Variants in FBLN1 observed in about 807,000 individuals in gnomAD.
The protein encoded by FBLN1 is fibulin 1.
A neutral mutation model predicts 89.7 loss-of-function variants in FBLN1; 34 were observed. The ratio of observed to expected loss-of-function variants is 0.38; its 90% CI spans 0.29 to 0.50. The LOEUF (loss-of-function observed/expected upper bound fraction) is 0.50. Among genes scored for constraint, FBLN1 ranks in the 20% least tolerant of loss-of-function variants. The pLI is 0.92. For synonymous variants in FBLN1, 393 were observed against 391.3 expected, an observed-to-expected ratio of 1.00 and a Z score of -0.05; for missense variants, 777 against 988.1, an observed-to-expected ratio of 0.79 and a Z score of 2.86.
intron 16 of FBLN1, among the ~76,000 whole-genome samples, chr22:45,598,022 A>G (rs542061209): frequency 6.6e-6 from 1 of 152,258 alleles, no homozygotes; most frequent in Non-Finnish European, 1.5e-5. Context: ...TGTCCTGGGC[A>G]CCAAGAGGTG....
intron 14 of FBLN1, among the ~76,000 whole-genome samples, chr22:45,570,789 AC>A (rs1483654963): frequency 1.3e-5 from 2 of 152,140 alleles, no homozygotes; most frequent in Non-Finnish European, 2.9e-5. Context: ...AGAACAACCA[AC>A]ACCAAGACAC....
chr22:45,574,388 G>T lies in FBLN1; in HGVS notation c.1698-123G>T. On this transcript the variant is annotated intron_variant, in intron 14 of 16. Transcript: ENST00000327858. The surrounding 1 kb of genome is among the most constrained non-coding windows in gnomAD (Gnocchi z 4.1). ...GCAGAGACCACTGTCGTTCTCTGAT[G>T]GAGCTGTCTCTGGGACAGATGCCCC... 3 of 1,028,260 alleles carry T rather than the reference G, an allele frequency of 2.9e-6. No homozygotes were observed. Among genetic ancestry groups the T allele is most frequent in the Non-Finnish European group, 4.4e-6 (3 of 677,010 alleles). 63.7% of individuals were successfully genotyped at this position (1,028,260 alleles called of 1,614,324 possible).
chr22:45,578,168 T>C lies in FBLN1; in HGVS notation c.1972+1060T>C, dbSNP rs951932454. On this transcript the variant is annotated intron_variant, in intron 16 of 16. Transcript: ENST00000327858. The surrounding 1 kb of genome is among the most constrained non-coding windows in gnomAD (Gnocchi z 4.6). ...TGCAGTGCGCACAGAGCAGAGCGTT[T>C]TGGAGCCTGGCCTCCAGGTGGCGCT... 2 of 152,178 alleles carry C rather than the reference T, an allele frequency of 1.3e-5. No homozygotes were observed. Among genetic ancestry groups the C allele is most frequent in the African/African-American group, 4.8e-5 (2 of 41,448 alleles). The allele number at this position is 152,178 out of a possible 1,614,324, so 9.4% of individuals were successfully genotyped here.
At chr22:45,596,085 G>A (rs1415917258) in intron 16 of FBLN1, among the ~76,000 whole-genome samples, 1 of 152,204 alleles carries the variant, frequency 6.6e-6, no homozygotes, top group Admixed American at 6.5e-5. Flanking sequence ...TAGCCAGGAT[G>A]GTCTTGATCT....
chr22:45,533,964 G>A, intron 7 of FBLN1, 66 bp downstream of exon 7: 1 of 1,603,384 alleles, frequency 6.2e-7, no homozygotes, highest in Non-Finnish European at 8.5e-7. Context: ...GGTGGGAAGG[G>A]CAGCTCTGGG....
At chr22:45,594,696 A>AGATG (rs201180295) in intron 16 of FBLN1, among the ~76,000 whole-genome samples, 5,562 of 143,022 alleles carry the variant, frequency 0.039, 252 homozygotes, top group African/African-American at 0.11. Context: ...ATTGGTGGAT[A>AGATG]GATGGATGGA....
In FBLN1 at chr22:45,577,014, T is replaced by C; in HGVS notation, c.1878T>C (p.Pro626=). The C allele has an allele frequency of 3.1e-6, 5 of 1,614,134 alleles. No homozygotes were observed. The highest frequency in any genetic ancestry group is 2.2e-5 in the South Asian group (2 of 91,078). The change falls in exon 16 of 17, where the codon CCT becomes CCC. Residue 626 remains proline, a synonymous_variant. Coordinates refer to ENST00000327858, the MANE Select transcript of FBLN1 (RefSeq NM_006486.3). This position sits in a 1 kb window ranked among gnomAD's most constrained non-coding sequence, Gnocchi z 6.6. ...TCCGGGCCATCACGCCACCGCATCC[T>C]GCCAGCCAGGCTAACATCATCTTCG... is the stretch of plus-strand genomic sequence containing the variant. ...IFLRAITPPH[P]ASQANIIFDI...
chr22:45,510,044 C>T (rs569345785), intron 1 of FBLN1, among the ~76,000 whole-genome samples: 2 of 152,292 alleles, frequency 1.3e-5, no homozygotes, highest in South Asian at 4.2e-4. Flanking sequence ...AGGCTGGCTT[C>T]TGATCACATG....
chr22:45,584,705 G>GT (rs112444495), intron 16 of FBLN1, among the ~76,000 whole-genome samples: 7,045 of 152,308 alleles, frequency 0.046, 507 homozygotes, highest in African/African-American at 0.16. Context: ...GTTTGGAAAT[G>GT]GAGGGCTGGT....
intron 1 of FBLN1, among the ~76,000 whole-genome samples, chr22:45,514,605 G>A (rs1191226532): frequency 6.6e-6 from 1 of 152,224 alleles, no homozygotes; most frequent in African/African-American, 2.4e-5. Flanking sequence ...GGACGATGGA[G>A]GAGGAGGAGG....
In FBLN1 at chr22:45,579,970, C is replaced by T. The variant is rs1411033415; in HGVS notation, c.1972+2862C>T. Among the ~76,000 whole-genome samples, 2 of 152,032 alleles carry T rather than the reference C, an allele frequency of 1.3e-5. No individual in the cohort carries two copies. Among genetic ancestry groups the T allele is most frequent in the East Asian group, 3.9e-4 (2 of 5,136 alleles). ...GCCCAGCCTGAAGCAGCCCTGAAAA[C>T]GTGGGGTTGAACCCTTGCCGGCTCC... is the stretch of plus-strand genomic sequence containing the variant. On this transcript the variant is annotated intron_variant, in intron 16 of 16. Coordinates refer to ENST00000327858, the MANE Select transcript of FBLN1 (RefSeq NM_006486.3). This position sits in a 1 kb window ranked among gnomAD's most constrained non-coding sequence, Gnocchi z 5.5.
At chr22:45,555,252 T>TATATATATATATAAAATGGAATATAG (rs2088771253) in intron 14 of FBLN1, among the ~76,000 whole-genome samples, 1 of 40,890 alleles carries the variant, frequency 2.4e-5, no homozygotes, top group Non-Finnish European at 7.7e-5. Flanking sequence ...AATATACATA[T>TATATATATATATAAAATGGAATATAG]ATATATATAT....
At chr22:45,506,383 T>C (rs769202994) in intron 1 of FBLN1, among the ~76,000 whole-genome samples, 12 of 152,224 alleles carry the variant, frequency 7.9e-5, no homozygotes, top group Non-Finnish European at 1.3e-4. Flanking sequence ...AGCCATTCAG[T>C]CATTCATTCA....
At chr22:45,589,128 A>T (rs1238370069) in intron 16 of FBLN1, among the ~76,000 whole-genome samples, 7 of 148,066 alleles carry the variant, frequency 4.7e-5, no homozygotes, top group Admixed American at 6.8e-5. Context: ...TATATATATA[A>T]AAAATATGTA....
In FBLN1 at chr22:45,532,818, C is replaced by A; in HGVS notation, c.545-245C>A. 1 of 585,232 alleles carries A rather than the reference C, an allele frequency of 1.7e-6. No individual in the cohort carries two copies. The highest frequency in any genetic ancestry group is 3.1e-6 in the Non-Finnish European group (1 of 326,924). 36.3% of individuals were successfully genotyped at this position (585,232 alleles called of 1,614,324 possible). ...GGTCCACCCCAGCCTACAAAGGGCACCCTGCACACCACCTGATTTTCCAGA... is the reference window on the plus strand; with the variant it reads ...GGTCCACCCCAGCCTACAAAGGGCAACCTGCACACCACCTGATTTTCCAGA... On this transcript the variant is annotated intron_variant, in intron 5 of 16. Coordinates refer to ENST00000327858, the MANE Select transcript of FBLN1 (RefSeq NM_006486.3). This position sits in a 1 kb window ranked among gnomAD's most constrained non-coding sequence, Gnocchi z 4.2.
chr22:45,600,674 T>A lies in FBLN1; in HGVS notation c.*228T>A. On this transcript the variant is annotated 3_prime_UTR_variant, in exon 17 of 17. Coordinates refer to ENST00000327858, the MANE Select transcript of FBLN1 (RefSeq NM_006486.3). ...CTGTTTGGTTGAAAACCTTGCTCAT[T>A]TTTTAATGCGAAGGCTAAGTGTCAC... The A allele has an allele frequency of 1.7e-6, 1 of 590,800 alleles. No individual in the cohort carries two copies. Among genetic ancestry groups the A allele is most frequent in the Non-Finnish European group, 3.0e-6 (1 of 328,226 alleles). 36.6% of individuals were successfully genotyped at this position (590,800 alleles called of 1,614,324 possible).
chr22:45,508,995 T>C (rs2088062926), intron 1 of FBLN1, among the ~76,000 whole-genome samples: 2 of 152,154 alleles, frequency 1.3e-5, no homozygotes, highest in South Asian at 4.1e-4. Context: ...TGTGTGTGCA[T>C]TGGCGGTAGT....
At chr22:45,546,095 A>G (rs760944036) in intron 11 of FBLN1, among the ~76,000 whole-genome samples, 5 of 152,274 alleles carry the variant, frequency 3.3e-5, no homozygotes, top group African/African-American at 4.8e-5. Flanking sequence ...TTAGTGGACA[A>G]TAGCCTCCCG....
chr22:45,599,915 C>T (rs1286272304), intron 16 of FBLN1, among the ~76,000 whole-genome samples: 2 of 152,136 alleles, frequency 1.3e-5, no homozygotes, highest in African/African-American at 2.4e-5. Context: ...GAAACTCCGT[C>T]GCAAAAACAA....
Sources: allele counts gnomAD v4.1 joint callset (sites outside exome capture counted in the v4.1 genomes callset), GRCh38; gene constraint gnomAD v4.1.1; non-coding constraint Gnocchi (gnomAD v3.1); transcripts MANE v1.5; gene names NCBI Gene and HGNC (gene_info 2026-07-23, HGNC 2026-07-21).